SESTD1: variants seen among roughly 807,000 people sequenced by gnomAD.
SESTD1 encodes the protein SEC14 and spectrin domain containing 1.
In SESTD1, 43 loss-of-function variants were observed where a neutral mutation model predicts 101.7. The observed-to-expected ratio is 0.42, with a 90% confidence interval of 0.33 to 0.55. The LOEUF (loss-of-function observed/expected upper bound fraction) is 0.55. Ranked by LOEUF, SESTD1 falls within the 20% of genes least tolerant of loss-of-function variation. SESTD1 has a pLI of 0.07. For missense variants in SESTD1, 647 were observed against 815.1 expected (o/e 0.79, Z 2.51); for synonymous variants, 283 against 286.8 (o/e 0.99, Z 0.13).
At chr2:179,119,792 C>G (rs1287870682) in intron 13 of SESTD1, among the ~76,000 whole-genome samples, 1 of 152,172 alleles carries the variant, frequency 6.6e-6, no homozygotes, top group African/African-American at 2.4e-5. Flanking sequence ...CCCCTTCACT[C>G]TTTTCCTCTT....
intron 13 of SESTD1, 114 bp downstream of exon 13, chr2:179,121,654 CAT>C (rs2044753799): frequency 3.9e-6 from 3 of 762,064 alleles, no homozygotes; most frequent in Non-Finnish European, 5.6e-6. Flanking sequence ...AAACCTACTA[CAT>C]GTCTTCTATA....
At chr2:179,198,335 G>C (rs941663752) in intron 1 of SESTD1, among the ~76,000 whole-genome samples, 17 of 152,248 alleles carry the variant, frequency 1.1e-4, no homozygotes, top group African/African-American at 3.1e-4. Context: ...AAGAGACTTA[G>C]ACTCCCACAC....
Position 179,204,684 on chromosome 2 carries a change from A to T in SESTD1, c.-25-12818T>A, listed in dbSNP as rs1444471025. Among the ~76,000 whole-genome samples the T allele has an allele frequency of 2.2e-5, 3 of 135,532 alleles. 1 individual carries two copies. The highest frequency in any genetic ancestry group is 1.4e-4 in the Admixed American group (2 of 13,936). 88.9% of individuals were successfully genotyped at this position (135,532 alleles called of 152,430 possible). ...CTTTTAGGTTGACATGCATACAGAC[A>T]TGCCACTGCCTTGATTCATGCTAAG... On this transcript the variant is annotated intron_variant, in intron 1 of 17. Transcript: ENST00000428443.
intron 13 of SESTD1, among the ~76,000 whole-genome samples, chr2:179,117,952 AGT>A (rs1033403039): frequency 1.1e-4 from 16 of 152,188 alleles, no homozygotes; most frequent in African/African-American, 3.9e-4. Context: ...CAAGGATAAA[AGT>A]GTAATGTTTC....
intron 9 of SESTD1, among the ~76,000 whole-genome samples, chr2:179,140,468 A>G (rs1231760193): frequency 1.3e-5 from 2 of 152,168 alleles, no homozygotes; most frequent in African/African-American, 4.8e-5. Context: ...AGAGGCTGGA[A>G]CAGAGCATTC....
rs546154459 is a variant in SESTD1, at chr2:179,235,250, G to A, written c.-26+29249C>T. The stretch of plus-strand genomic sequence containing the variant: ...CATACTTAGGAATAAAGGGACATAA[G>A]TATTTAGGGGCTAAGGGGCATAATG... On this transcript the variant is annotated intron_variant, in intron 1 of 17. Coordinates refer to ENST00000428443, the MANE Select transcript of SESTD1 (RefSeq NM_178123.5). 1.2e-4 allele frequency among the ~76,000 whole-genome samples: 19 copies of A among 152,188 alleles called. No individual in the cohort carries two copies. The South Asian group carries it at 3.5e-3, about 28-fold the overall frequency.
intron 10 of SESTD1, among the ~76,000 whole-genome samples, chr2:179,126,710 C>T (rs2154394163): frequency 6.6e-6 from 1 of 152,182 alleles, no homozygotes; most frequent in East Asian, 1.9e-4. Context: ...ATACTGATAC[C>T]CAACTGCCCA....
intron 4 of SESTD1, among the ~76,000 whole-genome samples, 177 bp downstream of exon 4, chr2:179,176,271 A>C (rs973435950): frequency 2.0e-5 from 3 of 152,204 alleles, no homozygotes; most frequent in African/African-American, 7.2e-5. Flanking sequence ...TTAACTGCTT[A>C]AATTCAAACC....
At chr2:179,197,768 T>C (rs940092978) in intron 1 of SESTD1, among the ~76,000 whole-genome samples, 5 of 152,072 alleles carry the variant, frequency 3.3e-5, no homozygotes, top group African/African-American at 1.2e-4. Context: ...CTGAGAGATT[T>C]TGTCACCACC....
chr2:179,143,960 T>C (rs1318127410), intron 8 of SESTD1, among the ~76,000 whole-genome samples, 157 bp from the exon 9 acceptor site: 9 of 151,992 alleles, frequency 5.9e-5, no homozygotes, highest in Non-Finnish European at 1.2e-4. Context: ...TCACAATAAG[T>C]AGGAAAACTG....
At chr2:179,204,031 A>G (rs577216651) in intron 1 of SESTD1, among the ~76,000 whole-genome samples, 1 of 135,400 alleles carries the variant, frequency 7.4e-6, no homozygotes, top group South Asian at 2.8e-4. Flanking sequence ...CCCAGGTGGT[A>G]TCTGGAGAGC....
In SESTD1 at chr2:179,213,748, G is replaced by A. The variant is rs182567003; in HGVS notation, c.-25-21882C>T. Among the ~76,000 whole-genome samples the A allele has an allele frequency of 2.5e-3, 343 of 135,494 alleles. 67 individuals are homozygous for A. The highest frequency in any genetic ancestry group is 4.0e-3 in the Non-Finnish European group (254 of 62,838). The allele number at this position is 135,494 out of a possible 152,430, so 88.9% of individuals were successfully genotyped here. On this transcript the variant is annotated intron_variant, in intron 1 of 17. Coordinates refer to ENST00000428443, the MANE Select transcript of SESTD1 (RefSeq NM_178123.5). Reference sequence around the variant, plus strand: ...AAAAAATGTTAAAGACAACCATAGAGAAAGGTTGGGTTACCCACAAAGGAT... The same window carrying A: ...AAAAAATGTTAAAGACAACCATAGAAAAAGGTTGGGTTACCCACAAAGGAT...
At position 179,172,200 on chromosome 2, in the gene SESTD1, C is replaced by T; in HGVS notation, c.289G>A (p.Val97Met). The T allele has an allele frequency of 6.2e-7, 1 of 1,608,610 alleles. No homozygotes were observed. Among genetic ancestry groups the T allele is most frequent in the Non-Finnish European group, 8.5e-7 (1 of 1,176,590 alleles). ...VVPAEVSLVC[V>M]VKPDEFWDKK... ...TCCCAGAATTCATCTGGCTTTACCA[C>T]ACAAACAAGGGACACCTCAGCTGGA... The change falls in exon 5 of 18, where the codon GTG becomes ATG. Residue 97 changes from valine (V) to methionine (M), a missense_variant. Val to Met is a conservative substitution (Grantham distance 21). Coordinates refer to ENST00000428443, the MANE Select transcript of SESTD1 (RefSeq NM_178123.5).
intron 1 of SESTD1, among the ~76,000 whole-genome samples, chr2:179,193,445 T>G (rs543359762): frequency 4.7e-4 from 72 of 152,320 alleles, no homozygotes; most frequent in Non-Finnish European, 4.0e-4. Context: ...TAGTAGCACT[T>G]CATGATGAGT....
At chr2:179,215,501 C>A (rs1275051482) in intron 1 of SESTD1, among the ~76,000 whole-genome samples, 2 of 133,050 alleles carry the variant, frequency 1.5e-5, no homozygotes, top group African/African-American at 6.0e-5. Context: ...ATAATTAATA[C>A]CCTACCAACC....
chr2:179,223,852 A>ATT (rs2046846987), intron 1 of SESTD1, among the ~76,000 whole-genome samples: 1 of 152,216 alleles, frequency 6.6e-6, no homozygotes, highest in Admixed American at 6.5e-5. Context: ...AGGAACTAAG[A>ATT]TTTGCATTTT....
chr2:179,181,054 C>T (rs1374845848), intron 3 of SESTD1, among the ~76,000 whole-genome samples: 1 of 152,178 alleles, frequency 6.6e-6, no homozygotes, highest in Non-Finnish European at 1.5e-5. Flanking sequence ...ACCTTCTCTG[C>T]TAGTTGGCAG....
At chr2:179,168,171 A>G (rs1044726001) in intron 5 of SESTD1, among the ~76,000 whole-genome samples, 1 of 151,860 alleles carries the variant, frequency 6.6e-6, no homozygotes, top group Non-Finnish European at 1.5e-5. Context: ...AGTAAGACCA[A>G]CCCCTCCACT....
At chr2:179,135,768 C>T (rs937228149) in intron 9 of SESTD1, among the ~76,000 whole-genome samples, 1 of 151,974 alleles carries the variant, frequency 6.6e-6, no homozygotes, top group African/African-American at 2.4e-5. Flanking sequence ...AAACAAAACC[C>T]AAAAATCTAG....
Sources: allele counts gnomAD v4.1 joint callset (sites outside exome capture counted in the v4.1 genomes callset), GRCh38; gene constraint gnomAD v4.1.1; transcripts MANE v1.5; gene names NCBI Gene and HGNC (gene_info 2026-07-23, HGNC 2026-07-21).